The following GPC5 variants were observed in gnomAD, a reference collection of about 807,000 sequenced individuals.
GPC5 encodes the protein glypican-5.
In GPC5, 47 loss-of-function variants were observed where a neutral mutation model predicts 53.9. That is an observed-to-expected ratio of 0.87 (90% CI 0.69 to 1.11). GPC5 has a LOEUF of 1.11. Among genes scored for constraint, GPC5 ranks in the 50% most tolerant of loss-of-function variants. GPC5 has a pLI of 0.00. For synonymous variants in GPC5, 286 were observed against 263.3 expected (o/e 1.09, Z -0.84); for missense variants, 748 against 713.1 (o/e 1.05, Z -0.56).
At chr13:92,150,217 C>T (rs1166630297) in intron 7 of GPC5, among the ~76,000 whole-genome samples, 1 of 139,398 alleles carries the variant, frequency 7.2e-6, no homozygotes, top group Non-Finnish European at 1.6e-5. Context: ...GTAATGATTG[C>T]ACACTTTGAT....
intron 7 of GPC5, among the ~76,000 whole-genome samples, chr13:92,347,138 G>A (rs560323089): frequency 1.3e-5 from 2 of 151,786 alleles, no homozygotes; most frequent in South Asian, 4.1e-4. Context: ...AGAAATAAGG[G>A]CTAAAAAAAA....
intron 6 of GPC5, among the ~76,000 whole-genome samples, chr13:92,100,666 G>A (rs542897366): frequency 6.6e-6 from 1 of 152,198 alleles, no homozygotes; most frequent in African/African-American, 2.4e-5. Flanking sequence ...ACTTGAATTG[G>A]CATTTTATAT....
chr13:92,749,584 A>AC (rs987902644), intron 7 of GPC5, among the ~76,000 whole-genome samples: 1 of 152,112 alleles, frequency 6.6e-6, no homozygotes, highest in Admixed American at 6.5e-5. Context: ...ATTCTGACAA[A>AC]CCTTTTTAAT....
intron 5 of GPC5, among the ~76,000 whole-genome samples, chr13:91,865,109 C>A (rs181818835): frequency 6.6e-6 from 1 of 151,958 alleles, no homozygotes; most frequent in South Asian, 2.1e-4. Context: ...CGGGGTTTCA[C>A]GATATTGGCC....
intron 6 of GPC5, among the ~76,000 whole-genome samples, chr13:91,938,115 T>C (rs746959516): frequency 6.6e-6 from 1 of 152,072 alleles, no homozygotes; most frequent in Non-Finnish European, 1.5e-5. Context: ...TCTGTTTTCA[T>C]TGCTAAAAAG....
intron 7 of GPC5, among the ~76,000 whole-genome samples, chr13:92,432,011 A>G (rs951874400): frequency 6.6e-6 from 1 of 152,180 alleles, no homozygotes; most frequent in African/African-American, 2.4e-5. Context: ...GTATATGTTA[A>G]AGCCCCAATG....
chr13:92,841,251 A>T (rs1878419328), intron 7 of GPC5, among the ~76,000 whole-genome samples: 1 of 152,164 alleles, frequency 6.6e-6, no homozygotes, highest in Non-Finnish European at 1.5e-5. Flanking sequence ...TTATTAAACA[A>T]GACCCCAGAT....
intron 6 of GPC5, among the ~76,000 whole-genome samples, chr13:92,036,728 G>C (rs2040895914): frequency 6.6e-6 from 1 of 152,078 alleles, no homozygotes; most frequent in Admixed American, 6.5e-5. Flanking sequence ...CCCTGTATCT[G>C]CTCCTACTCC....
chr13:91,959,311 G>A (rs1348191004), intron 6 of GPC5, among the ~76,000 whole-genome samples: 2 of 149,488 alleles, frequency 1.3e-5, no homozygotes, highest in Non-Finnish European at 3.0e-5. Flanking sequence ...AGAAGAAATG[G>A]ATAAATTATA....
intron 2 of GPC5, among the ~76,000 whole-genome samples, chr13:91,549,516 A>G (rs2030499447): frequency 6.6e-6 from 1 of 152,178 alleles, no homozygotes; most frequent in Non-Finnish European, 1.5e-5. Flanking sequence ...CACATCTGAT[A>G]AAGGACTGTT....
Position 91,767,192 on chromosome 13 carries a change from G to T in GPC5, c.1280+10772G>T, listed in dbSNP as rs549197864. ...AAATTAGTATTAGGGATTTGGGTTT[G>T]GGAATAGGAGATATTCCCATATCAA... On this transcript the variant is annotated intron_variant, in intron 5 of 7. Coordinates refer to ENST00000377067, the MANE Select transcript of GPC5 (RefSeq NM_004466.6). Among the ~76,000 whole-genome samples, 13 of 152,216 alleles carry T rather than the reference G, an allele frequency of 8.5e-5. 1 individual carries two copies. The highest frequency in any genetic ancestry group is 2.9e-4 in the African/African-American group (12 of 41,532).
chr13:92,524,610 T>A (rs758979710), intron 7 of GPC5, among the ~76,000 whole-genome samples: 3 of 152,140 alleles, frequency 2.0e-5, no homozygotes, highest in Non-Finnish European at 4.4e-5. Context: ...TAGACTTCTA[T>A]CTGGTCTCCT....
At chr13:91,660,737 A>T (rs910063728) in intron 2 of GPC5, among the ~76,000 whole-genome samples, 2 of 152,240 alleles carry the variant, frequency 1.3e-5, no homozygotes, top group Non-Finnish European at 2.9e-5. Context: ...AGACAATTGT[A>T]GTATTTCTCA....
intron 5 of GPC5, among the ~76,000 whole-genome samples, chr13:91,839,803 A>AT (rs142700624): frequency 7.9e-5 from 12 of 151,908 alleles, no homozygotes; most frequent in African/African-American, 1.2e-4. Context: ...ATGACTAATA[A>AT]TTTTTTTTCA....
At chr13:92,664,688 G>T (rs1009790537) in intron 7 of GPC5, among the ~76,000 whole-genome samples, 4 of 151,990 alleles carry the variant, frequency 2.6e-5, no homozygotes, top group East Asian at 3.9e-4. Context: ...CATTCAATTT[G>T]GGCAAAGATA....
chr13:91,426,784 T>C (rs1879086909), intron 1 of GPC5, among the ~76,000 whole-genome samples: 1 of 151,778 alleles, frequency 6.6e-6, no homozygotes, highest in Non-Finnish European at 1.5e-5. Flanking sequence ...AGATTGAGGG[T>C]GGGTCTGTCT....
At chr13:92,558,977 A>G (rs1292906810) in intron 7 of GPC5, among the ~76,000 whole-genome samples, 2 of 151,960 alleles carry the variant, frequency 1.3e-5, no homozygotes, top group Non-Finnish European at 2.9e-5. Flanking sequence ...GGGAGCAAGC[A>G]TCAAAAAACA....
chr13:92,201,866 T>A (rs79998943), intron 7 of GPC5, among the ~76,000 whole-genome samples: 4,205 of 152,272 alleles, frequency 0.028, 204 homozygotes, highest in African/African-American at 0.095. Flanking sequence ...GTCTTTGATG[T>A]CAACAAAATA....
At chr13:91,415,208 C>T (rs749164466) in intron 1 of GPC5, among the ~76,000 whole-genome samples, 37 of 152,192 alleles carry the variant, frequency 2.4e-4, no homozygotes, top group African/African-American at 6.7e-4. Context: ...CTTTGAGGGA[C>T]GGTCTCCCCC....
Sources: allele counts gnomAD v4.1 joint callset (sites outside exome capture counted in the v4.1 genomes callset), GRCh38; gene constraint gnomAD v4.1.1; transcripts MANE v1.5; gene names NCBI Gene and HGNC (gene_info 2026-07-23, HGNC 2026-07-21).